Variants in ARL13B observed in about 807,000 individuals in gnomAD.
ARL13B encodes ADP-ribosylation factor-like protein 13B.
ARL13B carries 36 observed loss-of-function variants against 56.1 expected under a neutral mutation model. The ratio of observed to expected loss-of-function variants is 0.64; its 90% CI spans 0.49 to 0.85. The LOEUF (loss-of-function observed/expected upper bound fraction) is 0.85. Ranked by LOEUF, ARL13B falls within the 40% of genes least tolerant of loss-of-function variation. ARL13B has a pLI of 0.00. For synonymous variants in ARL13B, 178 were observed against 171.1 expected (o/e 1.04, Z -0.32); for missense variants, 519 against 507.1 (o/e 1.02, Z -0.23).
At chr3:93,980,547 G>A (rs1039300318) in intron 1 of ARL13B, 65 bp downstream of exon 1, 2 of 1,591,176 alleles carry the variant, frequency 1.3e-6, no homozygotes, top group African/African-American at 2.7e-5. Context: ...CAGGGGCGAG[G>A]CGCCGCCTTT....
intron 3 of ARL13B, among the ~76,000 whole-genome samples, chr3:94,017,801 T>C (rs1399721601): frequency 1.3e-5 from 2 of 151,416 alleles, no homozygotes; most frequent in Non-Finnish European, 2.9e-5. Flanking sequence ...GGTCTAGGAG[T>C]TGGGTTGCCA....
At chr3:94,017,030 C>G (rs2076348356) in intron 3 of ARL13B, among the ~76,000 whole-genome samples, 1 of 152,106 alleles carries the variant, frequency 6.6e-6, no homozygotes, top group Non-Finnish European at 1.5e-5. Context: ...TAAACTCTGC[C>G]AACTCTATGC....
At chr3:93,988,394 G>A (rs1373131495) in intron 1 of ARL13B, among the ~76,000 whole-genome samples, 1 of 152,162 alleles carries the variant, frequency 6.6e-6, no homozygotes, top group African/African-American at 2.4e-5. Context: ...ATCCAAGACA[G>A]TCAAAACTTC....
chr3:94,020,139 T>A (rs1387492123), intron 3 of ARL13B, among the ~76,000 whole-genome samples: 1 of 152,180 alleles, frequency 6.6e-6, no homozygotes. Context: ...TGGTACCTCA[T>A]AGAGTTAATA....
intron 1 of ARL13B, among the ~76,000 whole-genome samples, chr3:93,991,025 T>C (rs995177771): frequency 6.6e-6 from 1 of 152,208 alleles, no homozygotes; most frequent in African/African-American, 2.4e-5. Context: ...AGTGTCAGAA[T>C]GTATTTGTAT....
At chr3:94,005,216 A>G (rs1486464720) in intron 3 of ARL13B, among the ~76,000 whole-genome samples, 1 of 152,216 alleles carries the variant, frequency 6.6e-6, no homozygotes, top group Non-Finnish European at 1.5e-5. Context: ...GTTAGACCTC[A>G]GGAGCTTACA....
intron 3 of ARL13B, among the ~76,000 whole-genome samples, chr3:94,005,315 G>A (rs1039688313): frequency 1.3e-5 from 2 of 152,244 alleles, no homozygotes; most frequent in Admixed American, 1.3e-4. Context: ...ACAAGTAAAA[G>A]AATATCAGAA....
At chr3:94,027,442 T>C (rs2076581111) in intron 3 of ARL13B, among the ~76,000 whole-genome samples, 1 of 152,106 alleles carries the variant, frequency 6.6e-6, no homozygotes, top group African/African-American at 2.4e-5. Context: ...TAAGATCATT[T>C]TTGTTTAAAT....
At chr3:94,004,833 G>T (rs1205552171) in intron 3 of ARL13B, among the ~76,000 whole-genome samples, 1 of 151,838 alleles carries the variant, frequency 6.6e-6, no homozygotes, top group East Asian at 1.9e-4. Context: ...TATTTGATTT[G>T]TATAAGCAAT....
At chr3:94,035,070 T>C (rs770651556) in intron 3 of ARL13B, among the ~76,000 whole-genome samples, 5 of 152,156 alleles carry the variant, frequency 3.3e-5, no homozygotes, top group Admixed American at 2.0e-4. Context: ...ACCCAGTCTC[T>C]ACTGAAAATA....
chr3:94,050,255 A>G (rs1012741955), intron 8 of ARL13B, among the ~76,000 whole-genome samples: 1 of 152,128 alleles, frequency 6.6e-6, no homozygotes, highest in Non-Finnish European at 1.5e-5. Context: ...ATACATTTTC[A>G]ATATACATAC....
rs578156999 is a variant in ARL13B, at chr3:93,992,020, A to G, written c.60-3854A>G. Among the ~76,000 whole-genome samples the G allele has an allele frequency of 8.5e-5, 13 of 152,306 alleles. No individual in the cohort carries two copies. The South Asian group carries it at 2.5e-3, about 29-fold the overall frequency. On this transcript the variant is annotated intron_variant, in intron 1 of 9. Coordinates refer to ENST00000394222, the MANE Select transcript of ARL13B (RefSeq NM_001174150.2). ...ATTATTTTATGCCAGTCTCAACACT[A>G]TTATAATTCTCTAAAGTGATTTTCT...
chr3:93,982,473 A>G (rs1710266563), intron 1 of ARL13B, among the ~76,000 whole-genome samples: 1 of 152,208 alleles, frequency 6.6e-6, no homozygotes, highest in African/African-American at 2.4e-5. Flanking sequence ...TTATGCAAAA[A>G]AGTCAGCATC....
intron 3 of ARL13B, chr3:94,015,166 A>G (rs1402454057): frequency 2.5e-6 from 4 of 1,613,854 alleles, no homozygotes; most frequent in Non-Finnish European, 3.4e-6. Flanking sequence ...AGCTTGCTGT[A>G]GAAACACCCC....
At chr3:93,983,174 C>G (rs919256074) in intron 1 of ARL13B, among the ~76,000 whole-genome samples, 2 of 152,098 alleles carry the variant, frequency 1.3e-5, no homozygotes, top group African/African-American at 4.8e-5. Flanking sequence ...GTTCACCTCT[C>G]CTCACTTAGA....
chr3:94,020,330 T>C (rs2076421288), intron 3 of ARL13B, among the ~76,000 whole-genome samples: 1 of 152,204 alleles, frequency 6.6e-6, no homozygotes, highest in Admixed American at 6.5e-5. Context: ...CTCTATTCTA[T>C]AGATAATGAA....
At chr3:94,027,741 A>G (rs1215426483) in intron 3 of ARL13B, among the ~76,000 whole-genome samples, 2 of 152,024 alleles carry the variant, frequency 1.3e-5, no homozygotes, top group African/African-American at 2.4e-5. Flanking sequence ...TCAAACTATC[A>G]ATTAAATGCT....
intron 1 of ARL13B, among the ~76,000 whole-genome samples, chr3:93,983,291 G>C (rs1370933665): frequency 6.6e-6 from 1 of 152,128 alleles, no homozygotes; most frequent in African/African-American, 2.4e-5. Context: ...ACCAGTCTAG[G>C]TCAGCAGTCA....
intron 1 of ARL13B, among the ~76,000 whole-genome samples, chr3:93,987,742 G>A (rs533378024): frequency 6.8e-4 from 104 of 152,062 alleles, no homozygotes; most frequent in African/African-American, 2.3e-3. Flanking sequence ...TTGACTGCCC[G>A]GGCTCAACCG....
Sources: gnomAD v4.1 joint callset for allele counts (sites outside exome capture counted in the v4.1 genomes callset) on GRCh38, gnomAD v4.1.1 for gene constraint, MANE v1.5 for transcripts, NCBI Gene and HGNC (gene_info 2026-07-23, HGNC 2026-07-21) for gene names.